Variants in TMTC1 observed in about 807,000 individuals in gnomAD.
The protein encoded by TMTC1 is protein O-mannosyl-transferase TMTC1.
TMTC1 carries 73 observed loss-of-function variants against 104.8 expected under a neutral mutation model. The ratio of observed to expected loss-of-function variants is 0.70; its 90% CI spans 0.58 to 0.85. The LOEUF is 0.85. Among genes scored for constraint, TMTC1 ranks in the 40% least tolerant of loss-of-function variants. The probability of loss-of-function intolerance (pLI) is 0.00; values close to 1 mark genes in which losing one functional copy is unlikely to be tolerated. For missense variants in TMTC1, 1,035 were observed against 1,096.1 expected (o/e 0.94, Z 0.79); for synonymous variants, 434 against 428.7 (o/e 1.01, Z -0.15).
intron 1 of TMTC1, among the ~76,000 whole-genome samples, chr12:29,770,812 C>G (rs1440577910): frequency 6.6e-6 from 1 of 152,096 alleles, no homozygotes; most frequent in Non-Finnish European, 1.5e-5. Context: ...ACGAAAGCTT[C>G]TAGCGTATTC....
intron 7 of TMTC1, among the ~76,000 whole-genome samples, chr12:29,601,226 T>C (rs995441554): frequency 9.2e-5 from 14 of 152,172 alleles, no homozygotes; most frequent in African/African-American, 3.4e-4. Context: ...TTGGAGGATA[T>C]ACCTGCCCGG....
intron 11 of TMTC1, chr12:29,533,100 CAT>C (rs772215828): frequency 3.9e-5 from 6 of 152,184 alleles, no homozygotes; most frequent in Non-Finnish European, 7.3e-5. Flanking sequence ...TTCTTCCTCA[CAT>C]GTTTTAGAAA....
At chr12:29,621,487 A>G (rs1349138513) in intron 6 of TMTC1, among the ~76,000 whole-genome samples, 2 of 152,152 alleles carry the variant, frequency 1.3e-5, no homozygotes, top group Non-Finnish European at 2.9e-5. Flanking sequence ...AGCTCTAAAT[A>G]TTTACTACCT....
intron 5 of TMTC1, among the ~76,000 whole-genome samples, chr12:29,720,461 G>A (rs1275580128): frequency 6.6e-6 from 1 of 151,994 alleles, no homozygotes; most frequent in African/African-American, 2.4e-5. Flanking sequence ...ATATAAAAAA[G>A]ACCAATAAGA....
chr12:29,583,368 T>G (rs750495992), intron 8 of TMTC1, 39 bp downstream of exon 8: 1 of 1,583,912 alleles, frequency 6.3e-7, no homozygotes, highest in South Asian at 1.2e-5. Flanking sequence ...AGCAAAGAAA[T>G]AAACAGGAAG....
chr12:29,517,637 T>G lies in TMTC1; in HGVS notation c.2025-66A>C, dbSNP rs559420129. ...AGGTACATTTCCAAATGTCTAGGCT[T>G]AGATTTAGGGAAGACGGTCCATGGT... On this transcript the variant is annotated intron_variant, in intron 13 of 17. Transcript: ENST00000539277. 6.2e-5 allele frequency: 98 copies of G among 1,585,702 alleles called. 2 individuals carry two copies. In the East Asian group the frequency reaches 9.2e-4, roughly 15 times the overall value.
At chr12:29,646,750 A>G (rs905730952) in intron 5 of TMTC1, among the ~76,000 whole-genome samples, 2 of 152,196 alleles carry the variant, frequency 1.3e-5, no homozygotes, top group African/African-American at 4.8e-5. Context: ...ATACAAAGAC[A>G]TAACAGGGGC....
chr12:29,607,668 CGTGA>C (rs1282489159), intron 6 of TMTC1, among the ~76,000 whole-genome samples: 18 of 152,128 alleles, frequency 1.2e-4, no homozygotes, highest in African/African-American at 4.3e-4. Flanking sequence ...TAGAAAGAAA[CGTGA>C]GTGAGTGTTC....
chr12:29,710,233 C>T (rs887049219), intron 5 of TMTC1, among the ~76,000 whole-genome samples: 8 of 152,110 alleles, frequency 5.3e-5, no homozygotes, highest in Non-Finnish European at 1.0e-4. Context: ...CAGCCTGAAC[C>T]ACTTTGCCGG....
At chr12:29,559,271 A>C (rs1000605233) in intron 9 of TMTC1, among the ~76,000 whole-genome samples, 1 of 152,184 alleles carries the variant, frequency 6.6e-6, no homozygotes, top group Non-Finnish European at 1.5e-5. Context: ...AAGACCTTCC[A>C]CCATGGGCTC....
intron 10 of TMTC1, among the ~76,000 whole-genome samples, chr12:29,542,706 G>C (rs1944835570): frequency 6.6e-6 from 1 of 152,014 alleles, no homozygotes; most frequent in African/African-American, 2.4e-5. Context: ...GATGCTGAAA[G>C]CTAAAAAGAC....
chr12:29,536,343 G>A (rs774497315), intron 10 of TMTC1, 26 bp from the exon 11 acceptor site: 3 of 1,375,450 alleles, frequency 2.2e-6, no homozygotes, highest in South Asian at 2.5e-5. Context: ...AAGGGGTGGG[G>A]GAGAACATCT....
intron 2 of TMTC1, 35 bp downstream of exon 2, chr12:29,767,863 T>C (rs1180334651): frequency 6.2e-7 from 1 of 1,603,886 alleles, no homozygotes; most frequent in South Asian, 1.1e-5. Context: ...CACACATTCA[T>C]ATTCGTTATT....
At chr12:29,765,426 C>T (rs994556844) in intron 2 of TMTC1, among the ~76,000 whole-genome samples, 2 of 152,032 alleles carry the variant, frequency 1.3e-5, no homozygotes, top group Non-Finnish European at 2.9e-5. Flanking sequence ...TACCCTTTCT[C>T]CTTGAACTCA....
In TMTC1 at chr12:29,783,254, G is replaced by T. The variant is rs577660697; in HGVS notation, c.302+196C>A. ...CTCCCCAGCCGGCGCCTCCCGAACC[G>T]CCCCGAGAGCCCAGATTAGCCGGGC... On this transcript the variant is annotated intron_variant, in intron 1 of 17. Coordinates refer to ENST00000539277, the MANE Select transcript of TMTC1 (RefSeq NM_001193451.2). This position sits in a 1 kb window ranked among gnomAD's most constrained non-coding sequence, Gnocchi z 4.7. Among the ~76,000 whole-genome samples, 5 of 152,242 alleles carry T rather than the reference G, an allele frequency of 3.3e-5. No individual in the cohort carries two copies. In the South Asian group the frequency reaches 8.3e-4, roughly 25 times the overall value.
Position 29,545,629 on chromosome 12 carries a change from T to TCACACACACACACACACA in TMTC1, c.1677-9330_1677-9313dup, listed in dbSNP as rs55958433. 2.3e-3 allele frequency among the ~76,000 whole-genome samples: 167 copies of TCACACACACACACACACA among 73,558 alleles called. 1 individual carries two copies. The highest frequency in any genetic ancestry group is 9.1e-3 in the African/African-American group (159 of 17,506). The allele number at this position is 73,558 out of a possible 152,430, so 48.3% of individuals were successfully genotyped here. A position where few individuals can be genotyped will look rare whatever the true frequency, so the allele number is the denominator to read the frequency against. On this transcript the variant is annotated intron_variant, in intron 10 of 17. Coordinates refer to ENST00000539277, the MANE Select transcript of TMTC1 (RefSeq NM_001193451.2). Reference sequence around the variant, plus strand: ...GTCTGGGCAACAGAGCAAGACTCTGTCACACACACACACACACACACACAC... The same window carrying TCACACACACACACACACA: ...GTCTGGGCAACAGAGCAAGACTCTGTCACACACACACACACACACACACACACACACACACACACACAC...
rs537247352 is a variant in TMTC1, at chr12:29,619,480, CT to C, written c.1128+13666del. The stretch of plus-strand genomic sequence containing the variant: ...TCTTGGTAAGACTGCTCAAGGGCCA[CT>C]GATTTTCAGGTAGCTGCTGAACAAA... On this transcript the variant is annotated intron_variant, in intron 6 of 17. Coordinates refer to ENST00000539277, the MANE Select transcript of TMTC1 (RefSeq NM_001193451.2). Among the ~76,000 whole-genome samples, 458 of 152,330 alleles carry C rather than the reference CT, an allele frequency of 3.0e-3. 1 individual carries two copies. Among genetic ancestry groups the C allele is most frequent in the African/African-American group, 0.011 (443 of 41,562 alleles).
At chr12:29,619,697 T>C (rs1947080141) in intron 6 of TMTC1, among the ~76,000 whole-genome samples, 1 of 152,248 alleles carries the variant, frequency 6.6e-6, no homozygotes, top group Non-Finnish European at 1.5e-5. Flanking sequence ...TCTGGAGCTT[T>C]AGGTGATAGT....
intron 5 of TMTC1, among the ~76,000 whole-genome samples, chr12:29,685,457 TGAG>T (rs1941062869): frequency 6.6e-6 from 1 of 151,746 alleles, no homozygotes. Context: ...CTTAAAAGAT[TGAG>T]TTTTGCTTTG....
Sources: gnomAD v4.1 joint callset for allele counts (sites outside exome capture counted in the v4.1 genomes callset) on GRCh38, gnomAD v4.1.1 for gene constraint, Gnocchi (gnomAD v3.1) non-coding constraint, MANE v1.5 for transcripts, NCBI Gene and HGNC (gene_info 2026-07-23, HGNC 2026-07-21) for gene names.